Variants in AGMO observed in about 807,000 individuals in gnomAD.
AGMO encodes the protein alkylglycerol monooxygenase, also known as glyceryl-ether monooxygenase.
In AGMO, 75 loss-of-function variants were observed where a neutral mutation model predicts 60.2. The ratio of observed to expected loss-of-function variants is 1.25; its 90% CI spans 1.03 to 1.51. AGMO has a LOEUF of 1.51. Ranked by LOEUF, AGMO falls within the 40% of genes most tolerant of loss-of-function variation. The pLI is 0.00. For missense variants in AGMO, 763 were observed against 525.5 expected (o/e 1.45, Z -4.42); for synonymous variants, 261 against 177.1 (o/e 1.47, Z -3.76).
intron 3 of AGMO, among the ~76,000 whole-genome samples, chr7:15,434,441 C>T (rs1781341511): frequency 6.6e-6 from 1 of 152,100 alleles, no homozygotes. Flanking sequence ...TTAAAGAAGA[C>T]AGTAGCTTGT....
chr7:15,180,836 T>G, the AGMO span, among the ~76,000 whole-genome samples: 3 of 152,176 alleles, frequency 2.0e-5, no homozygotes, highest in East Asian at 3.9e-4. Flanking sequence ...AAGAAAAGTT[T>G]GTTTGGCTCA....
chr7:15,288,827 A>T (rs538983940), intron 12 of AGMO, among the ~76,000 whole-genome samples: 11 of 150,452 alleles, frequency 7.3e-5, no homozygotes, highest in African/African-American at 1.2e-4. Flanking sequence ...CTTTTTAAAC[A>T]GAGGGCTTTA....
intron 3 of AGMO, among the ~76,000 whole-genome samples, chr7:15,516,530 A>C (rs1206017983): frequency 1.3e-5 from 2 of 152,134 alleles, no homozygotes; most frequent in African/African-American, 4.8e-5. Context: ...TCCTTTAAAA[A>C]CCTTAAAAAA....
intron 10 of AGMO, among the ~76,000 whole-genome samples, chr7:15,370,577 G>T (rs756020987): frequency 3.9e-5 from 6 of 152,080 alleles, no homozygotes; most frequent in Non-Finnish European, 8.8e-5. Flanking sequence ...TTTAACAATA[G>T]CCATTCTTAC....
At chr7:15,175,920 A>G in the AGMO span, among the ~76,000 whole-genome samples, 1 of 151,970 alleles carries the variant, frequency 6.6e-6, no homozygotes, top group African/African-American at 2.4e-5. Flanking sequence ...ATTGAGTTTT[A>G]CTAAACTTTA....
chr7:15,385,044 T>G (rs577893936), intron 10 of AGMO, among the ~76,000 whole-genome samples: 1 of 152,152 alleles, frequency 6.6e-6, no homozygotes, highest in Non-Finnish European at 1.5e-5. Flanking sequence ...AACTCTACAC[T>G]GAAAACCCTT....
intron 3 of AGMO, among the ~76,000 whole-genome samples, chr7:15,510,510 AT>A (rs1783642322): frequency 6.7e-6 from 1 of 149,512 alleles, no homozygotes; most frequent in Non-Finnish European, 1.5e-5. Flanking sequence ...ACGAATAAAG[AT>A]ACTGTGAGAT....
Position 15,446,563 on chromosome 7 carries a change from T to A in AGMO, c.410-15455A>T, listed in dbSNP as rs1303820472. Among the ~76,000 whole-genome samples the A allele has an allele frequency of 3.3e-5, 5 of 152,186 alleles. No homozygotes were observed. In the East Asian group the frequency reaches 9.6e-4, roughly 29 times the overall value. ...ACATGTAAAACATGAAACACACACA[T>A]ACTTTGAGATGAAATTAAATGATTC... is the stretch of plus-strand genomic sequence containing the variant. On this transcript the variant is annotated intron_variant, in intron 3 of 12. Transcript: ENST00000342526.
chr7:15,288,497 G>A (rs1251792373), intron 12 of AGMO, among the ~76,000 whole-genome samples: 4 of 151,868 alleles, frequency 2.6e-5, no homozygotes, highest in Admixed American at 1.3e-4. Context: ...CCTTAAGTAG[G>A]AAAGATGAAA....
At chr7:15,561,695 G>T (rs1583694351) in intron 1 of AGMO, 25 bp downstream of exon 1, 5 of 1,586,154 alleles carry the variant, frequency 3.2e-6, no homozygotes, top group Non-Finnish European at 4.3e-6. Flanking sequence ...AAGAATAAGA[G>T]TAGCCTCTTC....
At chr7:15,162,643 G>A in the AGMO span, among the ~76,000 whole-genome samples, 1 of 152,218 alleles carries the variant, frequency 6.6e-6, no homozygotes, top group South Asian at 2.1e-4. Flanking sequence ...ACATTGAGCT[G>A]TAATAGCACC....
At chr7:15,342,656 CGT>C (rs548738311) in intron 12 of AGMO, among the ~76,000 whole-genome samples, 17 of 151,244 alleles carry the variant, frequency 1.1e-4, no homozygotes, top group Admixed American at 4.0e-4. Flanking sequence ...ATTTTGCGCG[CGT>C]GTGTGTGTGT....
At chr7:15,134,236 C>T in the AGMO span, among the ~76,000 whole-genome samples, 1 of 152,110 alleles carries the variant, frequency 6.6e-6, no homozygotes, top group South Asian at 2.1e-4. Flanking sequence ...GATTTTGGCT[C>T]ACTGCAACCT....
chr7:15,166,041 T>C, the AGMO span, among the ~76,000 whole-genome samples: 1 of 152,168 alleles, frequency 6.6e-6, no homozygotes, highest in Admixed American at 6.5e-5. Flanking sequence ...GCATGATACG[T>C]TGCTAACAAA....
chr7:15,469,922 G>C (rs1360681631), intron 3 of AGMO, among the ~76,000 whole-genome samples: 1 of 151,978 alleles, frequency 6.6e-6, no homozygotes, highest in Non-Finnish European at 1.5e-5. Context: ...CGTAGGCATA[G>C]AATATGAGGA....
intron 2 of AGMO, among the ~76,000 whole-genome samples, chr7:15,550,026 T>C (rs1217268844): frequency 7.3e-4 from 111 of 152,032 alleles, no homozygotes; most frequent in African/African-American, 2.6e-3. Flanking sequence ...TCAAAACCGC[T>C]CAACTACATG....
At chr7:15,392,563 G>A (rs1339671092) in intron 6 of AGMO, among the ~76,000 whole-genome samples, 1 of 152,086 alleles carries the variant, frequency 6.6e-6, no homozygotes, top group Non-Finnish European at 1.5e-5. Flanking sequence ...CACTTTGGGA[G>A]GCCAAGGAGG....
At chr7:15,490,590 C>A (rs1393371764) in intron 3 of AGMO, among the ~76,000 whole-genome samples, 2 of 152,162 alleles carry the variant, frequency 1.3e-5, no homozygotes, top group Non-Finnish European at 2.9e-5. Flanking sequence ...AAGAATGGAT[C>A]TTTTTTCATA....
At chr7:15,536,172 G>A (rs771839391) in intron 3 of AGMO, among the ~76,000 whole-genome samples, 9 of 151,806 alleles carry the variant, frequency 5.9e-5, no homozygotes. Flanking sequence ...AATCTTATGA[G>A]ATGTATACTA....
Sources: gnomAD v4.1 joint callset for allele counts (sites outside exome capture counted in the v4.1 genomes callset) on GRCh38, gnomAD v4.1.1 for gene constraint, MANE v1.5 for transcripts, NCBI Gene and HGNC (gene_info 2026-07-23, HGNC 2026-07-21) for gene names.